Variants in ZFP2 observed in about 807,000 individuals in gnomAD.
ZFP2 encodes zinc finger protein ZFP2.
ZFP2 carries 33 observed loss-of-function variants against 36.1 expected under a neutral mutation model. The ratio of observed to expected loss-of-function variants is 0.92; its 90% CI spans 0.69 to 1.22. The LOEUF is 1.22. ZFP2 is among the 50% of genes most tolerant of loss of function. The pLI, the probability that ZFP2 is intolerant of heterozygous loss-of-function variation, is 0.00. For missense variants in ZFP2, 522 were observed against 551.4 expected (o/e 0.95, Z 0.53); for synonymous variants, 170 against 178.0 (o/e 0.96, Z 0.36).
chr5:178,931,218 A>G lies in ZFP2; in HGVS notation c.-77-19A>G, dbSNP rs1758826605. 1.4e-6 allele frequency: 2 copies of G among 1,447,468 alleles called. No homozygotes were observed. Among genetic ancestry groups the G allele is most frequent in the East Asian group, 2.4e-5 (1 of 41,628 alleles). The allele number at this position is 1,447,468 out of a possible 1,614,324, so 89.7% of individuals were successfully genotyped here. A position where few individuals can be genotyped will look rare whatever the true frequency, so the allele number is the denominator to read the frequency against. On this transcript the variant is annotated intron_variant, in intron 4 of 4. Transcript: ENST00000361362. ...TAGCACAGAAACCAATGTGCATTTGAATTTTTTTTTTTTTTCAGACTGGGA... is the reference window on the plus strand; with the variant it reads ...TAGCACAGAAACCAATGTGCATTTGGATTTTTTTTTTTTTTCAGACTGGGA...
chr5:178,928,880 C>G (rs550876518), intron 4 of ZFP2, among the ~76,000 whole-genome samples: 26 of 152,360 alleles, frequency 1.7e-4, no homozygotes, highest in African/African-American at 6.0e-4. Context: ...AGGCTTCTAC[C>G]TGGACACCTA....
chr5:178,930,556 A>G (rs866319746), intron 4 of ZFP2, among the ~76,000 whole-genome samples: 28 of 151,962 alleles, frequency 1.8e-4, no homozygotes, highest in Middle Eastern at 6.8e-3. Flanking sequence ...CCTGACCTCA[A>G]GTGATCCGCC....
intron 1 of ZFP2, among the ~76,000 whole-genome samples, chr5:178,897,870 G>C (rs1757974476): frequency 1.3e-5 from 2 of 152,092 alleles, no homozygotes; most frequent in South Asian, 4.1e-4. Flanking sequence ...CAGTAATATT[G>C]TGTTCCAATT....
At chr5:178,921,524 A>C (rs546446267) in intron 4 of ZFP2, among the ~76,000 whole-genome samples, 1 of 149,736 alleles carries the variant, frequency 6.7e-6, no homozygotes, top group South Asian at 2.1e-4. Context: ...CTGTTGCAGC[A>C]GCCACCAGAG....
At chr5:178,920,755 C>G (rs937657671) in intron 4 of ZFP2, among the ~76,000 whole-genome samples, 1 of 152,118 alleles carries the variant, frequency 6.6e-6, no homozygotes, top group Non-Finnish European at 1.5e-5. Flanking sequence ...TTCACTCTGA[C>G]TTGTTGGAAC....
intron 1 of ZFP2, among the ~76,000 whole-genome samples, chr5:178,912,108 C>T (rs766776099): frequency 2.6e-5 from 4 of 152,110 alleles, no homozygotes; most frequent in East Asian, 1.9e-4. Context: ...ACTCCAGCCT[C>T]GGCTACAGAG....
At chr5:178,915,798 C>T (rs1054436602) in intron 3 of ZFP2, 3 of 152,104 alleles carry the variant, frequency 2.0e-5, no homozygotes, top group African/African-American at 7.2e-5. Flanking sequence ...CCACTGCACT[C>T]CAGCCTGGGC....
intron 1 of ZFP2, chr5:178,910,508 C>T (rs1758272412): frequency 1.2e-5 from 7 of 598,446 alleles, no homozygotes; most frequent in Admixed American, 8.6e-5. Context: ...GTGGCCTGCA[C>T]CCTGCCTGCT....
At chr5:178,920,016 G>T (rs988246493) in intron 4 of ZFP2, among the ~76,000 whole-genome samples, 5 of 151,818 alleles carry the variant, frequency 3.3e-5, no homozygotes, top group African/African-American at 1.2e-4. Context: ...GATTTCTTTG[G>T]GTTTACCCTG....
intron 1 of ZFP2, chr5:178,910,238 C>T: frequency 1.9e-6 from 3 of 1,580,846 alleles, no homozygotes; most frequent in Non-Finnish European, 1.7e-6. Flanking sequence ...CCAAGAGCAG[C>T]ACTCGGAATT....
At chr5:178,896,560 A>G (rs757733611) in intron 1 of ZFP2, among the ~76,000 whole-genome samples, 3 of 152,254 alleles carry the variant, frequency 2.0e-5, no homozygotes, top group Middle Eastern at 3.4e-3. Flanking sequence ...CCATCTCACA[A>G]TAAGAATGGG....
chr5:178,913,015 A>G lies in ZFP2; in HGVS notation c.-280A>G, dbSNP rs1758328783. ...CTTTCCAAACCCAATGGGACTTCCC[A>G]GCTGGAACGAGAACTGAGTCTGATG... is the stretch of plus-strand genomic sequence containing the variant. On this transcript the variant is annotated 5_prime_UTR_variant, in exon 3 of 5. Transcript: ENST00000361362. The G allele has an allele frequency of 2.0e-6, 2 of 985,818 alleles. No homozygotes were observed. Among genetic ancestry groups the G allele is most frequent in the Admixed American group, 1.2e-4 (2 of 16,276 alleles). 61.1% of individuals were successfully genotyped at this position (985,818 alleles called of 1,614,324 possible).
chr5:178,908,714 A>G (rs989815536), intron 1 of ZFP2, among the ~76,000 whole-genome samples: 9 of 152,090 alleles, frequency 5.9e-5, no homozygotes, highest in African/African-American at 1.9e-4. Context: ...GCCAGGTTCA[A>G]ATATTTTGGG....
At chr5:178,902,107 C>T (rs1391324587) in intron 1 of ZFP2, among the ~76,000 whole-genome samples, 2 of 152,150 alleles carry the variant, frequency 1.3e-5, no homozygotes, top group Non-Finnish European at 2.9e-5. Context: ...TGCACTCCAG[C>T]CTGGGAGACA....
chr5:178,921,264 C>T (rs1758556588), intron 4 of ZFP2, among the ~76,000 whole-genome samples: 1 of 152,214 alleles, frequency 6.6e-6, no homozygotes, highest in African/African-American at 2.4e-5. Flanking sequence ...CTGTCTATGT[C>T]CGCAGTAGTT....
Position 178,932,336 on chromosome 5 carries a change from A to G in ZFP2, c.1023A>G (p.Leu341=). ...AAGCTTTCAGTAAGAATTCATCTCTAACTCAACATCGGAGAATTCACACTG... is the reference window on the plus strand; with the variant it reads ...AAGCTTTCAGTAAGAATTCATCTCTGACTCAACATCGGAGAATTCACACTG... ...CGKAFSKNSS[L]TQHRRIHTGE... Residue 341 remains leucine (L), a synonymous_variant, in exon 5 of 5, where the codon CTA becomes CTG. Coordinates refer to ENST00000361362, the MANE Select transcript of ZFP2 (RefSeq NM_030613.4). 1 of 1,614,076 alleles carries G rather than the reference A, an allele frequency of 6.2e-7. No individual in the cohort carries two copies. The highest frequency in any genetic ancestry group is 1.3e-5 in the African/African-American group (1 of 75,016).
chr5:178,932,156 GA>G lies in ZFP2; in HGVS notation c.844del (p.Ser282AlafsTer33). ...CSQCGKAFSK[S>X]STLTLHQRNH... ...GTCAATGTGGAAAAGCCTTTAGTAA[GA>G]GCTCAACTCTTACCCTACATCAGCG... On this transcript the variant is annotated frameshift_variant, in exon 5 of 5. Coordinates refer to ENST00000361362, the MANE Select transcript of ZFP2 (RefSeq NM_030613.4). LOFTEE classifies it high-confidence loss of function. The G allele has an allele frequency of 6.2e-7, 1 of 1,613,280 alleles. No homozygotes were observed. Among genetic ancestry groups the G allele is most frequent in the Non-Finnish European group, 8.5e-7 (1 of 1,179,480 alleles).
chr5:178,903,032 C>T (rs1287433201), intron 1 of ZFP2, among the ~76,000 whole-genome samples: 1 of 152,170 alleles, frequency 6.6e-6, no homozygotes, highest in Non-Finnish European at 1.5e-5. Flanking sequence ...GGCATTTTGT[C>T]ACTTTTGTTG....
chr5:178,928,563 C>T (rs940411138), intron 4 of ZFP2, among the ~76,000 whole-genome samples: 2 of 152,250 alleles, frequency 1.3e-5, no homozygotes, highest in African/African-American at 4.8e-5. Flanking sequence ...TTCTTTGACT[C>T]TGTATCTCAT....
Sources: gnomAD v4.1 joint callset for allele counts (sites outside exome capture counted in the v4.1 genomes callset) on GRCh38, gnomAD v4.1.1 for gene constraint, MANE v1.5 for transcripts, NCBI Gene and HGNC (gene_info 2026-07-23, HGNC 2026-07-21) for gene names.